The following PLCXD2 variants were observed in gnomAD, a reference collection of about 807,000 sequenced individuals.
PLCXD2 encodes phosphatidylinositol specific phospholipase C X domain containing 2.
Under a neutral mutation model 28.6 loss-of-function variants are expected in PLCXD2, and 21 were observed. The observed-to-expected ratio is 0.73, with a 90% CI of 0.52 to 1.06. The LOEUF is 1.06. PLCXD2 is among the 50% of genes least tolerant of loss of function. The probability of loss-of-function intolerance (pLI) is 0.00; values close to 1 mark genes in which losing one functional copy is unlikely to be tolerated. For synonymous variants in PLCXD2, 140 were observed against 150.1 expected (o/e 0.93, Z 0.49); for missense variants, 369 against 376.7 (o/e 0.98, Z 0.17).
intron 1 of PLCXD2, among the ~76,000 whole-genome samples, chr3:111,684,254 C>T (rs560661348): frequency 9.6e-4 from 145 of 150,464 alleles, no homozygotes; most frequent in Non-Finnish European, 1.7e-3. Flanking sequence ...CGCTTGAACC[C>T]GGGAGGCAGA....
chr3:111,726,610 A>G (rs888688294), intron 3 of PLCXD2: 1 of 152,186 alleles, frequency 6.6e-6, no homozygotes, highest in Non-Finnish European at 1.5e-5. Context: ...AATTTTGCAC[A>G]TATGCTTCTT....
chr3:111,701,971 T>C (rs1471214113), intron 1 of PLCXD2, among the ~76,000 whole-genome samples: 2 of 151,868 alleles, frequency 1.3e-5, no homozygotes, highest in East Asian at 3.9e-4. Flanking sequence ...GAGCAGGCCA[T>C]TGGAGGCAGG....
In PLCXD2 at chr3:111,706,733, GA is replaced by G. The variant is rs370049360; in HGVS notation, c.164-1186del. Among the ~76,000 whole-genome samples, 168 of 143,244 alleles carry G rather than the reference GA, an allele frequency of 1.2e-3. 2 individuals carry two copies. Among genetic ancestry groups the G allele is most frequent in the African/African-American group, 3.8e-3 (148 of 38,686 alleles). 94.0% of individuals were successfully genotyped at this position (143,244 alleles called of 152,430 possible). A position where few individuals can be genotyped will look rare whatever the true frequency, so the allele number is the denominator to read the frequency against. On this transcript the variant is annotated intron_variant, in intron 1 of 4. Transcript: ENST00000477665. ...ACACGTAGACTGAAAGTAAGGGATG[GA>G]AAAAAATATTCCACACAAACGGAAA...
chr3:111,707,859 C>T (rs1467683096), intron 1 of PLCXD2, 67 bp from the exon 2 acceptor site: 3 of 1,402,762 alleles, frequency 2.1e-6, no homozygotes, highest in Admixed American at 2.6e-5. Context: ...TTTGTTTTCT[C>T]ATCAATTGGC....
At chr3:111,675,637 G>C (rs1026155056) in intron 1 of PLCXD2, among the ~76,000 whole-genome samples, 50 of 152,074 alleles carry the variant, frequency 3.3e-4, no homozygotes, top group African/African-American at 4.8e-5. Flanking sequence ...TTTGTTTGTG[G>C]TTTTTTTGTT....
intron 3 of PLCXD2, chr3:111,722,874 G>C (rs1193084167): frequency 6.6e-6 from 1 of 152,148 alleles, no homozygotes; most frequent in Non-Finnish European, 1.5e-5. Flanking sequence ...CCCTTGAGGA[G>C]GTCATAATAG....
intron 1 of PLCXD2, among the ~76,000 whole-genome samples, chr3:111,699,697 G>A (rs1941013929): frequency 6.6e-6 from 1 of 152,134 alleles, no homozygotes; most frequent in African/African-American, 2.4e-5. Context: ...TGCTGCCACA[G>A]GGACTTGATT....
At chr3:111,678,023 GTCAGA>G (rs1487134615) in intron 1 of PLCXD2, among the ~76,000 whole-genome samples, 1 of 152,184 alleles carries the variant, frequency 6.6e-6, no homozygotes, top group African/African-American at 2.4e-5. Context: ...ATAGGACTGG[GTCAGA>G]TCTATCAGGA....
chr3:111,722,874 G>A (rs1193084167), intron 3 of PLCXD2: 1 of 152,148 alleles, frequency 6.6e-6, no homozygotes, highest in Non-Finnish European at 1.5e-5. Context: ...CCCTTGAGGA[G>A]GTCATAATAG....
At chr3:111,692,868 A>G (rs543264582) in intron 1 of PLCXD2, among the ~76,000 whole-genome samples, 162 of 152,222 alleles carry the variant, frequency 1.1e-3, no homozygotes, top group African/African-American at 3.7e-3. Context: ...TCCTTTCCCT[A>G]CGTGTGGAAG....
chr3:111,678,399 C>T (rs1395232247), intron 1 of PLCXD2, among the ~76,000 whole-genome samples: 1 of 152,158 alleles, frequency 6.6e-6, no homozygotes, highest in African/African-American at 2.4e-5. Context: ...GCTTTAAACT[C>T]TACAAACATT....
intron 1 of PLCXD2, among the ~76,000 whole-genome samples, chr3:111,695,160 TAA>T (rs10662190): frequency 9.8e-5 from 13 of 132,354 alleles, no homozygotes; most frequent in Non-Finnish European, 1.1e-4. Context: ...ACCCATTTTC[TAA>T]AAAAAAAAAA....
chr3:111,698,058 A>G (rs1213271450), intron 1 of PLCXD2, among the ~76,000 whole-genome samples: 1 of 152,196 alleles, frequency 6.6e-6, no homozygotes, highest in Non-Finnish European at 1.5e-5. Flanking sequence ...AGATCCTCAA[A>G]TATAAATATT....
chr3:111,676,453 C>A (rs1338741924), intron 1 of PLCXD2, among the ~76,000 whole-genome samples: 1 of 152,186 alleles, frequency 6.6e-6, no homozygotes, highest in Non-Finnish European at 1.5e-5. Flanking sequence ...TCTTTGCTTT[C>A]TGTGCATGAG....
At position 111,681,178 on chromosome 3, in the gene PLCXD2, C is replaced by T. The variant is rs139106810; in HGVS notation, c.163+5770C>T. ...GCTTTAAAGTTAAGGGAAGGATACA[C>T]GGAGGGTTCCCCAGGATGTGAGTGC... On this transcript the variant is annotated intron_variant, in intron 1 of 4. Transcript: ENST00000477665. 4.4e-4 allele frequency among the ~76,000 whole-genome samples: 67 copies of T among 152,220 alleles called. 1 individual carries two copies. In the East Asian group the frequency reaches 0.012, roughly 28 times the overall value.
chr3:111,717,567 C>A (rs1345030384), intron 3 of PLCXD2, among the ~76,000 whole-genome samples: 2 of 152,206 alleles, frequency 1.3e-5, no homozygotes, highest in African/African-American at 4.8e-5. Context: ...CTACCCGAAG[C>A]TGACACAGAA....
At chr3:111,686,141 A>G (rs532294840) in intron 1 of PLCXD2, among the ~76,000 whole-genome samples, 1 of 152,308 alleles carries the variant, frequency 6.6e-6, no homozygotes, top group African/African-American at 2.4e-5. Flanking sequence ...TCACACATAG[A>G]TACTTCATTT....
At chr3:111,685,406 G>T (rs1940780212) in intron 1 of PLCXD2, among the ~76,000 whole-genome samples, 1 of 152,082 alleles carries the variant, frequency 6.6e-6, no homozygotes, top group Admixed American at 6.5e-5. Context: ...GAGTTAGCTT[G>T]TGTATACTAT....
At chr3:111,688,683 C>T (rs1940831222) in intron 1 of PLCXD2, among the ~76,000 whole-genome samples, 2 of 152,168 alleles carry the variant, frequency 1.3e-5, no homozygotes, top group Non-Finnish European at 2.9e-5. Flanking sequence ...CAGGACATTC[C>T]AAGGGCTTAA....
Sources: allele counts gnomAD v4.1 joint callset (sites outside exome capture counted in the v4.1 genomes callset), GRCh38; gene constraint gnomAD v4.1.1; transcripts MANE v1.5; gene names NCBI Gene and HGNC (gene_info 2026-07-23, HGNC 2026-07-21).